LARS2: variants seen among roughly 807,000 people sequenced by gnomAD.
LARS2 encodes the protein leucyl-tRNA synthetase 2, mitochondrial.
A neutral mutation model predicts 116.6 loss-of-function variants in LARS2; 81 were observed. The ratio of observed to expected loss-of-function variants is 0.69; its 90% CI spans 0.58 to 0.84. The LOEUF (loss-of-function observed/expected upper bound fraction) is 0.84. Among genes scored for constraint, LARS2 ranks in the 40% least tolerant of loss-of-function variants. The pLI is 0.00. For synonymous variants in LARS2, 396 were observed against 407.2 expected, an observed-to-expected ratio of 0.97 and a Z score of 0.33; for missense variants, 968 against 1,114.5, an observed-to-expected ratio of 0.87 and a Z score of 1.87.
At chr3:45,400,852 C>CGCCCAGGCTGGAGTGCAGTG (rs1559456063) in intron 4 of LARS2, among the ~76,000 whole-genome samples, 1 of 151,770 alleles carries the variant, frequency 6.6e-6, no homozygotes, top group Non-Finnish European at 1.5e-5. Flanking sequence ...CTTGCTCTGT[C>CGCCCAGGCTGGAGTGCAGTG]GCCCAGGCTG....
chr3:45,445,393 T>G (rs903651104), intron 6 of LARS2, among the ~76,000 whole-genome samples: 1 of 152,158 alleles, frequency 6.6e-6, no homozygotes, highest in African/African-American at 2.4e-5. Context: ...GAAAAGATGA[T>G]GGATGAGGAT....
intron 1 of LARS2, among the ~76,000 whole-genome samples, chr3:45,391,079 T>G (rs1425751140): frequency 3.3e-5 from 5 of 152,226 alleles, no homozygotes; most frequent in African/African-American, 1.2e-4. Flanking sequence ...TTCTTAATGG[T>G]TTTGATATAC....
At chr3:45,485,206 A>G (rs1699784588) in intron 10 of LARS2, among the ~76,000 whole-genome samples, 1 of 152,162 alleles carries the variant, frequency 6.6e-6, no homozygotes, top group Non-Finnish European at 1.5e-5. Context: ...GTATCCCCTA[A>G]GAAAAGGGTA....
intron 15 of LARS2, 100 bp from the exon 16 acceptor site, chr3:45,513,035 G>T: frequency 1.3e-6 from 1 of 794,528 alleles, no homozygotes; most frequent in Non-Finnish European, 2.2e-6. Context: ...TTTATGAGGG[G>T]CAGCTACTTC....
At chr3:45,541,574 A>C (rs1451886939) in intron 20 of LARS2, 1 of 458,784 alleles carries the variant, frequency 2.2e-6, no homozygotes, top group Non-Finnish European at 3.9e-6. Flanking sequence ...TGTTTTTCCA[A>C]ATGCACACTT....
In LARS2 at chr3:45,517,918, G is replaced by T. The variant is rs1700394204; in HGVS notation, c.2060G>T (p.Gly687Val). Reference sequence around the variant, plus strand: ...CTGAATTCAGCTGATGCTCTCCCTGGGGTGCTGAGATGGCAACAACGACTG... The same window carrying T: ...CTGAATTCAGCTGATGCTCTCCCTGTGGTGCTGAGATGGCAACAACGACTG... The part of the protein sequence containing the change: ...LWDVKTDALP[G>V]VLRWQQRLWT... The change falls in exon 18 of 22, where the codon GGG becomes GTG. Residue 687 changes from glycine (G) to valine (V), a missense_variant. By Grantham distance (109) the Gly-to-Val change is moderately radical. Coordinates refer to ENST00000645846, the MANE Select transcript of LARS2 (RefSeq NM_015340.4). 6.2e-7 allele frequency: 1 copy of T among 1,613,232 alleles called. No homozygotes were observed.
intron 20 of LARS2, among the ~76,000 whole-genome samples, chr3:45,529,997 G>T (rs1700591332): frequency 2.0e-5 from 3 of 152,176 alleles, no homozygotes; most frequent in Non-Finnish European, 2.9e-5. Context: ...ATCCTGTCTG[G>T]ACAGACTTCA....
chr3:45,489,628 G>C (rs1699876617), intron 12 of LARS2, among the ~76,000 whole-genome samples: 1 of 152,160 alleles, frequency 6.6e-6, no homozygotes, highest in Admixed American at 6.5e-5. Context: ...ACGTGTCTTA[G>C]ATCCCACCCT....
intron 10 of LARS2, among the ~76,000 whole-genome samples, chr3:45,484,811 C>A (rs1292605534): frequency 1.3e-5 from 2 of 150,330 alleles, no homozygotes; most frequent in African/African-American, 2.4e-5. Flanking sequence ...TTTTATATAA[C>A]TTTTTATTTT....
chr3:45,402,253 C>A (rs576745561), intron 4 of LARS2, among the ~76,000 whole-genome samples: 1 of 152,306 alleles, frequency 6.6e-6, no homozygotes, highest in Non-Finnish European at 1.5e-5. Flanking sequence ...CAGTATGTAA[C>A]CAATAAGTAT....
chr3:45,494,572 C>A (rs1014883556), intron 13 of LARS2, among the ~76,000 whole-genome samples: 1 of 152,204 alleles, frequency 6.6e-6, no homozygotes, highest in African/African-American at 2.4e-5. Flanking sequence ...ACAGAAGGCC[C>A]TGTTGATAGC....
intron 10 of LARS2, among the ~76,000 whole-genome samples, chr3:45,484,834 T>C (rs933968364): frequency 1.3e-5 from 2 of 150,632 alleles, no homozygotes; most frequent in African/African-American, 4.9e-5. Context: ...CTAGAGTTCA[T>C]AATGTCTTCC....
Position 45,503,554 on chromosome 3 carries a change from G to A in LARS2, c.1760+2975G>A, listed in dbSNP as rs74876523. On this transcript the variant is annotated intron_variant, in intron 15 of 21. Coordinates refer to ENST00000645846, the MANE Select transcript of LARS2 (RefSeq NM_015340.4). ...GTTTTCCTAAGTTGGGTTTGGTTTG[G>A]TTTTGCCAGCTCAAATGTATTTTAT... Among the ~76,000 whole-genome samples, 916 of 152,032 alleles carry A rather than the reference G, an allele frequency of 6.0e-3. 7 individuals carry two copies. The highest frequency in any genetic ancestry group is 0.021 in the African/African-American group (880 of 41,482).
intron 8 of LARS2, among the ~76,000 whole-genome samples, chr3:45,463,051 C>T (rs779366223): frequency 7.2e-5 from 11 of 152,256 alleles, no homozygotes; most frequent in Non-Finnish European, 1.3e-4. Flanking sequence ...GCTGTGTGGG[C>T]GGTGTCTTGT....
At chr3:45,502,216 C>T (rs1700133021) in intron 15 of LARS2, among the ~76,000 whole-genome samples, 1 of 151,720 alleles carries the variant, frequency 6.6e-6, no homozygotes, top group Non-Finnish European at 1.5e-5. Context: ...TGTTTGTATC[C>T]TATGCTTTTA....
intron 6 of LARS2, among the ~76,000 whole-genome samples, chr3:45,440,668 A>G (rs1380656411): frequency 1.3e-5 from 2 of 152,092 alleles, no homozygotes; most frequent in African/African-American, 4.8e-5. Context: ...GCTTTGAATG[A>G]GCTGTTCTGA....
Position 45,476,611 on chromosome 3 carries a change from C to T in LARS2, c.1002C>T (p.Ala334=). 1 of 1,614,070 alleles carries T rather than the reference C, an allele frequency of 6.2e-7. No homozygotes were observed. The highest frequency in any genetic ancestry group is 2.2e-5 in the East Asian group (1 of 44,882). The change falls in exon 10 of 22, where the codon GCC becomes GCT. Residue 334 remains alanine (A), a synonymous_variant. Coordinates refer to ENST00000645846, the MANE Select transcript of LARS2 (RefSeq NM_015340.4). ...CTCTGAAGGAAGCCTTGAGGATGGCCCTTGTCCCTGGCAAAGGTGAGCTGG... is the reference window on the plus strand; with the variant it reads ...CTCTGAAGGAAGCCTTGAGGATGGCTCTTGTCCCTGGCAAAGGTGAGCTGG... ...HSSLKEALRM[A]LVPGKDCLTP... is the part of the protein sequence containing the mutation.
chr3:45,406,953 C>A (rs1698243290), intron 4 of LARS2, among the ~76,000 whole-genome samples: 1 of 152,148 alleles, frequency 6.6e-6, no homozygotes, highest in Non-Finnish European at 1.5e-5. Flanking sequence ...AAATTCCCCA[C>A]CTCCCACCTC....
In LARS2 at chr3:45,488,810, G is replaced by A. The variant is rs376296747; in HGVS notation, c.1237G>A (p.Glu413Lys). The change falls in exon 12 of 22, where the codon GAG becomes AAG. Residue 413 changes from glutamate (E) to lysine (K), a missense_variant and splice_region_variant. Transcript: ENST00000645846. ...CACAGAGAGACTGAGCAGCTCTGCT[G>A]AGGTTGGTGACTAAGAACTTACTTC... ...DGTERLSSSA[E>K]FTGMTRQDAF... 1.1e-5 allele frequency: 17 copies of A among 1,585,148 alleles called. No individual in the cohort carries two copies. In the Admixed American group the frequency reaches 1.5e-4, roughly 14 times the overall value.
Sources: gnomAD v4.1 joint callset for allele counts (sites outside exome capture counted in the v4.1 genomes callset) on GRCh38, gnomAD v4.1.1 for gene constraint, MANE v1.5 for transcripts, NCBI Gene and HGNC (gene_info 2026-07-23, HGNC 2026-07-21) for gene names.